The following ARHGAP15 variants were observed in gnomAD, a reference collection of about 807,000 sequenced individuals.
ARHGAP15 encodes Rho GTPase activating protein 15.
A neutral mutation model predicts 63.7 loss-of-function variants in ARHGAP15; 51 were observed. That is an observed-to-expected ratio of 0.80 (90% CI 0.64 to 1.01). The LOEUF (loss-of-function observed/expected upper bound fraction) is 1.01, where lower values mean the gene tolerates loss of function less well. ARHGAP15 is among the 50% of genes least tolerant of loss of function. The probability of loss-of-function intolerance (pLI) is 0.00; values close to 1 mark genes in which losing one functional copy is unlikely to be tolerated. For missense variants in ARHGAP15, 560 were observed against 564.6 expected (o/e 0.99, Z 0.08); for synonymous variants, 191 against 193.8 (o/e 0.99, Z 0.12).
intron 11 of ARHGAP15, among the ~76,000 whole-genome samples, chr2:143,596,815 G>T (rs1485619602): frequency 6.6e-6 from 1 of 152,030 alleles, no homozygotes; most frequent in Non-Finnish European, 1.5e-5. Context: ...TGTTCATTAT[G>T]CAAAAAGTCT....
intron 6 of ARHGAP15, among the ~76,000 whole-genome samples, chr2:143,257,129 G>A (rs1680467727): frequency 6.6e-6 from 1 of 152,008 alleles, no homozygotes; most frequent in African/African-American, 2.4e-5. Flanking sequence ...ATGTTGCCTG[G>A]GTGATCCCGT....
At chr2:143,754,658 T>G (rs1356147778) in intron 13 of ARHGAP15, among the ~76,000 whole-genome samples, 1 of 152,188 alleles carries the variant, frequency 6.6e-6, no homozygotes, top group Non-Finnish European at 1.5e-5. Context: ...CAGCCTGCAC[T>G]CCCAGGGAAC....
At chr2:143,704,473 T>C (rs897136688) in intron 13 of ARHGAP15, among the ~76,000 whole-genome samples, 1 of 152,006 alleles carries the variant, frequency 6.6e-6, no homozygotes, top group African/African-American at 2.4e-5. Flanking sequence ...AGTGTGCAAA[T>C]TTTGGGTTTC....
chr2:143,408,540 T>C (rs976763246), intron 6 of ARHGAP15, among the ~76,000 whole-genome samples: 1 of 151,772 alleles, frequency 6.6e-6, no homozygotes, highest in African/African-American at 2.4e-5. Flanking sequence ...TCTGCTGTCT[T>C]AGAACTCCCC....
chr2:143,557,900 A>G (rs1695874270), intron 11 of ARHGAP15, among the ~76,000 whole-genome samples: 1 of 152,164 alleles, frequency 6.6e-6, no homozygotes, highest in Admixed American at 6.6e-5. Context: ...AATCATACAG[A>G]TGGGGTAGAA....
chr2:143,550,813 C>T (rs929205020), intron 10 of ARHGAP15, among the ~76,000 whole-genome samples: 3 of 152,110 alleles, frequency 2.0e-5, no homozygotes, highest in African/African-American at 7.2e-5. Context: ...CTATTATTAA[C>T]CCATAGATAA....
In ARHGAP15 at chr2:143,600,989, A is replaced by G. The variant is rs188317085; in HGVS notation, c.1004-23144A>G. ...GACCTATTTTTAAAGTACATTGTATATGTCACAAGCCAGATTTGGTCACAG... is the reference window on the plus strand; with the variant it reads ...GACCTATTTTTAAAGTACATTGTATGTGTCACAAGCCAGATTTGGTCACAG... On this transcript the variant is annotated intron_variant, in intron 11 of 13. Transcript: ENST00000295095. Among the ~76,000 whole-genome samples the G allele has an allele frequency of 2.2e-3, 340 of 152,260 alleles. 4 individuals carry two copies. The highest frequency in any genetic ancestry group is 7.4e-3 in the African/African-American group (308 of 41,568).
At chr2:143,200,373 T>C (rs550029260) in intron 2 of ARHGAP15, among the ~76,000 whole-genome samples, 1 of 151,396 alleles carries the variant, frequency 6.6e-6, no homozygotes, top group East Asian at 1.9e-4. Context: ...GCCAGGATTC[T>C]GATTTTTTTT....
intron 13 of ARHGAP15, among the ~76,000 whole-genome samples, chr2:143,716,732 A>G (rs1043147148): frequency 2.0e-5 from 3 of 152,234 alleles, no homozygotes; most frequent in African/African-American, 7.2e-5. Flanking sequence ...TCTTGCCAAT[A>G]CCAATACTCG....
chr2:143,220,795 A>G (rs774602636), intron 4 of ARHGAP15, among the ~76,000 whole-genome samples: 1 of 152,160 alleles, frequency 6.6e-6, no homozygotes, highest in Non-Finnish European at 1.5e-5. Flanking sequence ...GGACCTTTGT[A>G]TCTTTTATAA....
At chr2:143,458,535 T>A (rs1198698646) in intron 8 of ARHGAP15, among the ~76,000 whole-genome samples, 2 of 152,166 alleles carry the variant, frequency 1.3e-5, no homozygotes, top group South Asian at 2.1e-4. Context: ...CCGGTGATCA[T>A]GGGCCAGAGG....
At chr2:143,487,575 A>C in intron 9 of ARHGAP15, 80 bp downstream of exon 9, 1 of 1,397,992 alleles carries the variant, frequency 7.2e-7, no homozygotes, top group South Asian at 1.7e-5. Flanking sequence ...GCTCTAAAGG[A>C]ATATTAGAAT....
intron 2 of ARHGAP15, among the ~76,000 whole-genome samples, chr2:143,161,898 G>C (rs907500979): frequency 6.6e-6 from 1 of 151,802 alleles, no homozygotes; most frequent in African/African-American, 2.4e-5. Flanking sequence ...TCTGTAGGAG[G>C]GCTCACCTAG....
At chr2:143,455,880 C>G (rs1690626850) in intron 8 of ARHGAP15, among the ~76,000 whole-genome samples, 1 of 151,834 alleles carries the variant, frequency 6.6e-6, no homozygotes. Context: ...TTTTTAAAAT[C>G]CCAAATGGTC....
At chr2:143,459,671 C>T (rs952994250) in intron 8 of ARHGAP15, among the ~76,000 whole-genome samples, 6 of 152,064 alleles carry the variant, frequency 3.9e-5, no homozygotes, top group Non-Finnish European at 5.9e-5. Flanking sequence ...ACTCCTCAAA[C>T]GATTTCAGTT....
chr2:143,475,733 C>G (rs1691785537), intron 8 of ARHGAP15, among the ~76,000 whole-genome samples: 1 of 152,236 alleles, frequency 6.6e-6, no homozygotes, highest in Non-Finnish European at 1.5e-5. Context: ...CAGCCATCCT[C>G]CTGGGCCATA....
intron 10 of ARHGAP15, among the ~76,000 whole-genome samples, chr2:143,524,429 A>G (rs1411449670): frequency 6.6e-6 from 1 of 152,162 alleles, no homozygotes; most frequent in African/African-American, 2.4e-5. Flanking sequence ...GTCCCATTTT[A>G]TGCTCATTCC....
At chr2:143,248,819 G>A (rs569354284) in intron 5 of ARHGAP15, among the ~76,000 whole-genome samples, 5 of 152,062 alleles carry the variant, frequency 3.3e-5, no homozygotes, top group Non-Finnish European at 5.9e-5. Flanking sequence ...TACACTAAAC[G>A]AATTATCAAT....
At chr2:143,152,006 C>T (rs896517321) in intron 1 of ARHGAP15, among the ~76,000 whole-genome samples, 1 of 151,934 alleles carries the variant, frequency 6.6e-6, no homozygotes, top group Non-Finnish European at 1.5e-5. Context: ...CTCAATTCAT[C>T]TCCATTCTCA....
Sources: allele counts gnomAD v4.1 joint callset (sites outside exome capture counted in the v4.1 genomes callset), GRCh38; gene constraint gnomAD v4.1.1; transcripts MANE v1.5; gene names NCBI Gene and HGNC (gene_info 2026-07-23, HGNC 2026-07-21).